DAB1: variants seen among roughly 807,000 people sequenced by gnomAD.
The protein encoded by DAB1 is disabled homolog 1.
In DAB1, 15 loss-of-function variants were observed where a neutral mutation model predicts 64.6. The ratio of observed to expected loss-of-function variants is 0.23; its 90% confidence interval spans 0.16 to 0.36. The LOEUF is 0.36. Among genes scored for constraint, DAB1 ranks in the 10% least tolerant of loss-of-function variants. DAB1 has a pLI of 1.00. For missense variants in DAB1, 596 were observed against 706.7 expected (o/e 0.84, Z 1.78); for synonymous variants, 235 against 251.9 (o/e 0.93, Z 0.64).
At chr1:57,775,757 T>C (rs1427851313) in intron 6 of DAB1, among the ~76,000 whole-genome samples, 1 of 151,564 alleles carries the variant, frequency 6.6e-6, no homozygotes, top group African/African-American at 2.4e-5. Context: ...ATTCTACTGA[T>C]TTTTTTATCT....
chr1:58,398,309 A>G (rs530793993), intron 3 of DAB1, among the ~76,000 whole-genome samples: 50 of 152,260 alleles, frequency 3.3e-4, no homozygotes, highest in Non-Finnish European at 4.9e-4. Context: ...TGCTATTATT[A>G]CCCAAGCCCT....
At chr1:58,115,056 C>T (rs969595079) in intron 5 of DAB1, among the ~76,000 whole-genome samples, 1 of 148,524 alleles carries the variant, frequency 6.7e-6, no homozygotes, top group African/African-American at 2.5e-5. Flanking sequence ...AGGCAACCTA[C>T]AACATGGGAG....
chr1:57,536,344 A>G (rs1644727592), intron 7 of DAB1, among the ~76,000 whole-genome samples: 1 of 152,212 alleles, frequency 6.6e-6, no homozygotes, highest in African/African-American at 2.4e-5. Flanking sequence ...AAGGATTTTG[A>G]CAGATGGGAT....
At chr1:57,294,347 T>C (rs970055674) in intron 1 of DAB1, among the ~76,000 whole-genome samples, 5 of 152,196 alleles carry the variant, frequency 3.3e-5, no homozygotes, top group African/African-American at 1.2e-4. Flanking sequence ...GTGAATTATG[T>C]AACATTCCAC....
At chr1:57,173,812 T>G (rs1219756401) in intron 2 of DAB1, among the ~76,000 whole-genome samples, 1 of 152,212 alleles carries the variant, frequency 6.6e-6, no homozygotes, top group Non-Finnish European at 1.5e-5. Context: ...GAGTACATTT[T>G]TTTTTTCACC....
chr1:57,879,351 C>G (rs1393397594), intron 1 of DAB1, among the ~76,000 whole-genome samples: 3 of 152,164 alleles, frequency 2.0e-5, no homozygotes, highest in Non-Finnish European at 4.4e-5. Flanking sequence ...TTAGAGGCCA[C>G]ATGTTGAAGA....
intron 1 of DAB1, among the ~76,000 whole-genome samples, chr1:57,420,857 A>C (rs1684836953): frequency 6.6e-6 from 1 of 152,220 alleles, no homozygotes; most frequent in Non-Finnish European, 1.5e-5. Context: ...CCTAAATAAC[A>C]TTTAAAGTTC....
At chr1:57,555,120 C>T (rs1222479919) in intron 7 of DAB1, among the ~76,000 whole-genome samples, 1 of 147,354 alleles carries the variant, frequency 6.8e-6, no homozygotes, top group African/African-American at 2.5e-5. Context: ...CTGTAACCTC[C>T]ACCTCCTGGG....
chr1:58,170,479 C>T (rs1420926714), intron 4 of DAB1, among the ~76,000 whole-genome samples: 1 of 151,822 alleles, frequency 6.6e-6, no homozygotes, highest in African/African-American at 2.4e-5. Flanking sequence ...GGGCCCTGAA[C>T]AAAATCTGGA....
intron 5 of DAB1, among the ~76,000 whole-genome samples, chr1:58,082,695 G>A (rs911513487): frequency 6.6e-6 from 1 of 152,006 alleles, no homozygotes; most frequent in Non-Finnish European, 1.5e-5. Flanking sequence ...AAGAGGAGAA[G>A]GGCATTTCAG....
At chr1:57,847,397 C>A (rs1408137) in intron 1 of DAB1, among the ~76,000 whole-genome samples, 10,968 of 151,574 alleles carry the variant, frequency 0.072, 633 homozygotes, top group Admixed American at 0.21. Flanking sequence ...GGAATAAGAC[C>A]AAACATATCA....
chr1:58,230,332 T>C (rs1390899670), intron 4 of DAB1, among the ~76,000 whole-genome samples: 1 of 152,212 alleles, frequency 6.6e-6, no homozygotes, highest in African/African-American at 2.4e-5. Flanking sequence ...CTTTAAAAAC[T>C]GCTCTCAGCT....
chr1:58,205,981 A>C (rs1169367537), intron 4 of DAB1, among the ~76,000 whole-genome samples: 1 of 151,974 alleles, frequency 6.6e-6, no homozygotes, highest in Non-Finnish European at 1.5e-5. Context: ...TTTTTTTTTA[A>C]TCATTATGGT....
intron 1 of DAB1, among the ~76,000 whole-genome samples, chr1:57,396,220 C>T (rs965748012): frequency 1.1e-4 from 17 of 152,230 alleles, no homozygotes; most frequent in African/African-American, 4.1e-4. Context: ...GGTTTGAACA[C>T]TCTGCTGAAA....
At chr1:57,557,616 A>G (rs112569262) in intron 7 of DAB1, among the ~76,000 whole-genome samples, 184 of 152,230 alleles carry the variant, frequency 1.2e-3, no homozygotes, top group African/African-American at 4.1e-3. Flanking sequence ...GCTGCTTAAT[A>G]TGATTGACCC....
At chr1:57,251,055 G>T (rs1339188778) in intron 2 of DAB1, among the ~76,000 whole-genome samples, 1 of 152,232 alleles carries the variant, frequency 6.6e-6, no homozygotes, top group African/African-American at 2.4e-5. Context: ...AGAACAAAAT[G>T]TGGTATTATT....
At chr1:57,732,525 C>T (rs997620495) in intron 6 of DAB1, among the ~76,000 whole-genome samples, 1 of 152,200 alleles carries the variant, frequency 6.6e-6, no homozygotes, top group African/African-American at 2.4e-5. Flanking sequence ...AAATCCTCAA[C>T]CCTCCACCTA....
At chr1:57,523,425 C>A (rs1644554104) in intron 7 of DAB1, among the ~76,000 whole-genome samples, 1 of 152,198 alleles carries the variant, frequency 6.6e-6, no homozygotes, top group South Asian at 2.1e-4. Context: ...CTAATCAGCT[C>A]ATAATTGCCT....
intron 1 of DAB1, chr1:57,874,485 G>A (rs1440273251): frequency 1.3e-5 from 2 of 152,198 alleles, no homozygotes; most frequent in Non-Finnish European, 1.5e-5. Flanking sequence ...AGGAAGGGCA[G>A]TGCCTGTCCT....
Sources: allele counts gnomAD v4.1 joint callset (sites outside exome capture counted in the v4.1 genomes callset), GRCh38; gene constraint gnomAD v4.1.1; transcripts MANE v1.5; gene names NCBI Gene and HGNC (gene_info 2026-07-23, HGNC 2026-07-21).